ARPC3: variants seen among roughly 807,000 people sequenced by gnomAD.
The protein encoded by ARPC3 is actin related protein 2/3 complex subunit 3.
A neutral mutation model predicts 27.6 loss-of-function variants in ARPC3; 12 were observed. That is an observed-to-expected ratio of 0.43 (90% CI 0.28 to 0.70). ARPC3 has a LOEUF of 0.70. Among genes scored for constraint, ARPC3 ranks in the 30% least tolerant of loss-of-function variants. The pLI is 0.17. For missense variants in ARPC3, 153 were observed against 207.7 expected (o/e 0.74, Z 1.62); for synonymous variants, 53 against 67.2 (o/e 0.79, Z 1.03).
intron 6 of ARPC3, 98 bp from the exon 7 acceptor site, chr12:110,435,315 T>G: frequency 5.2e-6 from 5 of 953,846 alleles, no homozygotes; most frequent in Non-Finnish European, 8.1e-6. Flanking sequence ...CTGGAATCTC[T>G]TATAAACTTT....
rs929670975 is a variant in ARPC3, at chr12:110,450,321, G to T, written c.-61C>A. ...GATCCAGGTACAGCGGAGCGCTTCCGGTCTGGCAGCCTGGGCGAGGTAGGC... is the reference window on the plus strand; with the variant it reads ...GATCCAGGTACAGCGGAGCGCTTCCTGTCTGGCAGCCTGGGCGAGGTAGGC... On this transcript the variant is annotated 5_prime_UTR_variant, in exon 1 of 7. Transcript: ENST00000228825. 1.1e-5 allele frequency: 17 copies of T among 1,611,600 alleles called. No individual in the cohort carries two copies. In the African/African-American group the frequency reaches 1.9e-4, roughly 18 times the overall value.
intron 4 of ARPC3, 105 bp from the exon 5 acceptor site, chr12:110,436,788 G>A: frequency 1.0e-6 from 1 of 987,516 alleles, no homozygotes; most frequent in Non-Finnish European, 1.5e-6. Context: ...TCTATCCTTG[G>A]ACCCCAGGTT....
At chr12:110,437,175 T>C in intron 3 of ARPC3, 23 bp from the exon 4 acceptor site, 1 of 1,441,640 alleles carries the variant, frequency 6.9e-7, no homozygotes, top group South Asian at 1.1e-5. Flanking sequence ...AAAGAAGACT[T>C]AAAAACAGTT....
rs1592954824 is a variant in ARPC3 at position 110,445,437 on chromosome 12, T to C, written c.106+15A>G. ...ATTTCGTACCAAAATTTGAAAATAATGGGTTTAGACTTACTCTCTCTGGGG... is the reference window on the plus strand; with the variant it reads ...ATTTCGTACCAAAATTTGAAAATAACGGGTTTAGACTTACTCTCTCTGGGG... On this transcript the variant is annotated intron_variant, in intron 2 of 6. Transcript: ENST00000228825. 1 of 1,574,738 alleles carries C rather than the reference T, an allele frequency of 6.4e-7. No homozygotes were observed. Among genetic ancestry groups the C allele is most frequent in the South Asian group, 1.1e-5 (1 of 90,274 alleles).
Position 110,435,104 on chromosome 12 carries a change from G to T in ARPC3, c.*51C>A, listed in dbSNP as rs753436147. 2.3e-5 allele frequency: 32 copies of T among 1,388,154 alleles called. No homozygotes were observed. The highest frequency in any genetic ancestry group is 7.2e-6 in the Non-Finnish European group (7 of 975,206). The allele number at this position is 1,388,154 out of a possible 1,614,324, so 86.0% of individuals were successfully genotyped here. On this transcript the variant is annotated 3_prime_UTR_variant, in exon 7 of 7. Transcript: ENST00000228825. ...AAAGGCAAAAGATTGTGTACATCTTGCTGGAAAATGCTGCCCAGGGCTCTG... is the reference window on the plus strand; with the variant it reads ...AAAGGCAAAAGATTGTGTACATCTTTCTGGAAAATGCTGCCCAGGGCTCTG...
chr12:110,440,515 A>G (rs752148115), intron 2 of ARPC3, 127 bp from the exon 3 acceptor site: 4 of 694,864 alleles, frequency 5.8e-6, no homozygotes, highest in African/African-American at 1.8e-5. Flanking sequence ...AAATAAAATG[A>G]TCCTATTGAA....
At chr12:110,444,064 G>C (rs1365022031) in intron 2 of ARPC3, among the ~76,000 whole-genome samples, 1 of 150,406 alleles carries the variant, frequency 6.6e-6, no homozygotes, top group Admixed American at 6.6e-5. Context: ...CCACCTCCCA[G>C]GTTCAAGCAA....
At chr12:110,442,896 A>C (rs1407963823) in intron 2 of ARPC3, 1 of 152,112 alleles carries the variant, frequency 6.6e-6, no homozygotes, top group East Asian at 1.9e-4. Flanking sequence ...TCTTATTTTA[A>C]AAAGGTCAAA....
intron 1 of ARPC3, among the ~76,000 whole-genome samples, chr12:110,445,820 T>C (rs149222429): frequency 1.6e-3 from 250 of 152,314 alleles, no homozygotes; most frequent in African/African-American, 5.8e-3. Flanking sequence ...GTAAATGATG[T>C]TGGCTGGACG....
Position 110,441,328 on chromosome 12 carries a change from T to C in ARPC3, c.107-940A>G, listed in dbSNP as rs1041494196. On this transcript the variant is annotated intron_variant, in intron 2 of 6. Coordinates refer to ENST00000228825, the MANE Select transcript of ARPC3 (RefSeq NM_001278556.2). Reference sequence around the variant, plus strand: ...TTGTATTTTTAGTAGAAATGGGGTTTCACCTTGTTGGTCAGGCTGGTCTCG... The same window carrying C: ...TTGTATTTTTAGTAGAAATGGGGTTCCACCTTGTTGGTCAGGCTGGTCTCG... Among the ~76,000 whole-genome samples the C allele has an allele frequency of 5.9e-5, 9 of 151,624 alleles. No homozygotes were observed. In the East Asian group the frequency reaches 7.8e-4, roughly 13 times the overall value.
chr12:110,440,790 C>T (rs1274387460), intron 2 of ARPC3, among the ~76,000 whole-genome samples: 1 of 150,764 alleles, frequency 6.6e-6, no homozygotes, highest in Non-Finnish European at 1.5e-5. Flanking sequence ...GCGTGATCCG[C>T]CCATCTCGGC....
chr12:110,447,308 C>T (rs574028222), intron 1 of ARPC3, among the ~76,000 whole-genome samples: 1 of 152,266 alleles, frequency 6.6e-6, no homozygotes, highest in East Asian at 1.9e-4. Flanking sequence ...ATTCTTAGTT[C>T]TGCTTTTTAC....
intron 5 of ARPC3, 148 bp downstream of exon 5, chr12:110,436,409 T>C: frequency 7.2e-7 from 1 of 1,393,300 alleles, no homozygotes; most frequent in African/African-American, 1.4e-5. Flanking sequence ...CAAGAATCGT[T>C]TGTGAGAGTG....
At chr12:110,435,858 G>C (rs748538111) in intron 6 of ARPC3, among the ~76,000 whole-genome samples, 22 of 150,574 alleles carry the variant, frequency 1.5e-4, no homozygotes, top group Admixed American at 1.3e-4. Flanking sequence ...ACTCCTGACC[G>C]CAAGTGATCC....
intron 3 of ARPC3, among the ~76,000 whole-genome samples, chr12:110,437,669 A>C (rs2062413900): frequency 6.6e-6 from 1 of 151,962 alleles, no homozygotes; most frequent in African/African-American, 2.4e-5. Flanking sequence ...CGCTCGGCTG[A>C]GTGGCTGCTC....
intron 3 of ARPC3, among the ~76,000 whole-genome samples, chr12:110,437,902 A>G (rs1352614987): frequency 6.6e-6 from 1 of 152,166 alleles, no homozygotes; most frequent in Admixed American, 6.6e-5. Context: ...CTTGCTCCCA[A>G]AGAACTCCAT....
At chr12:110,435,796 T>A (rs1294190998) in intron 6 of ARPC3, among the ~76,000 whole-genome samples, 3 of 152,122 alleles carry the variant, frequency 2.0e-5, no homozygotes, top group Non-Finnish European at 4.4e-5. Flanking sequence ...GCTAATTTTT[T>A]GTATTTTCAG....
In ARPC3 at chr12:110,446,852, C is replaced by G. The variant is rs566794473; in HGVS notation, c.7-1301G>C. ...TCGAACTCCTGACCCCATGATCCAC[C>G]CGCCCCGGCCTCCCAAAGTGCTGGG... On this transcript the variant is annotated intron_variant, in intron 1 of 6. Coordinates refer to ENST00000228825, the MANE Select transcript of ARPC3 (RefSeq NM_001278556.2). Among the ~76,000 whole-genome samples, 13 of 151,546 alleles carry G rather than the reference C, an allele frequency of 8.6e-5. No homozygotes were observed. In the East Asian group the frequency reaches 2.1e-3, roughly 25 times the overall value.
chr12:110,440,832 C>G (rs1422065091), intron 2 of ARPC3, among the ~76,000 whole-genome samples: 2 of 141,972 alleles, frequency 1.4e-5, no homozygotes, highest in African/African-American at 5.3e-5. Flanking sequence ...AGGCATGAGC[C>G]ACCGTGCCCA....
Sources: allele counts gnomAD v4.1 joint callset (sites outside exome capture counted in the v4.1 genomes callset), GRCh38; gene constraint gnomAD v4.1.1; transcripts MANE v1.5; gene names NCBI Gene and HGNC (gene_info 2026-07-23, HGNC 2026-07-21).